Variants in HS6ST3 observed in about 807,000 individuals in gnomAD.
HS6ST3 encodes the protein heparan sulfate 6-O-sulfotransferase 3.
Under a neutral mutation model 36.7 loss-of-function variants are expected in HS6ST3, and 12 were observed. The observed-to-expected ratio is 0.33, with a 90% CI of 0.21 to 0.53. The LOEUF is 0.53. Ranked by LOEUF, HS6ST3 falls within the 20% of genes least tolerant of loss-of-function variation. The pLI is 0.95. For missense variants in HS6ST3, 584 were observed against 640.9 expected, an observed-to-expected ratio of 0.91 and a Z score of 0.96; for synonymous variants, 240 against 257.5, an observed-to-expected ratio of 0.93 and a Z score of 0.65.
chr13:96,180,192 A>C (rs1040347625), intron 1 of HS6ST3, among the ~76,000 whole-genome samples: 12 of 152,222 alleles, frequency 7.9e-5, no homozygotes, highest in African/African-American at 2.9e-4. Flanking sequence ...GGACATACAC[A>C]CGCACACACA....
chr13:96,756,410 T>C (rs1056197164), intron 1 of HS6ST3, among the ~76,000 whole-genome samples: 1 of 152,204 alleles, frequency 6.6e-6, no homozygotes, highest in Non-Finnish European at 1.5e-5. Flanking sequence ...CTCTTGAATA[T>C]GATCTAAGAA....
chr13:96,758,652 T>G (rs2138498146), intron 1 of HS6ST3, among the ~76,000 whole-genome samples: 1 of 152,090 alleles, frequency 6.6e-6, no homozygotes, highest in African/African-American at 2.4e-5. Flanking sequence ...CAGCAAAGTT[T>G]AATTTCCAGA....
Position 96,554,977 on chromosome 13 carries a change from G to T in HS6ST3, c.708-277513G>T, listed in dbSNP as rs1034201783. Among the ~76,000 whole-genome samples the T allele has an allele frequency of 6.1e-4, 93 of 152,026 alleles. 1 individual carries two copies. Among genetic ancestry groups the T allele is most frequent in the African/African-American group, 2.2e-3 (91 of 41,402 alleles). ...CACCTGTAGTTCCAGATACTTGGGA[G>T]GCTGAGGTGGGAGAATTGCTTGAGC... On this transcript the variant is annotated intron_variant, in intron 1 of 1. Transcript: ENST00000376705.
intron 1 of HS6ST3, among the ~76,000 whole-genome samples, chr13:96,746,308 A>C (rs185640580): frequency 6.6e-6 from 1 of 152,090 alleles, no homozygotes; most frequent in African/African-American, 2.4e-5. Flanking sequence ...ATATGGGAGA[A>C]TTGGATTAAA....
intron 1 of HS6ST3, among the ~76,000 whole-genome samples, chr13:96,207,617 G>A (rs9525153): frequency 0.39 from 59,249 of 151,896 alleles, 12,013 homozygotes; most frequent in Non-Finnish European, 0.46. Flanking sequence ...AGAAAATGTG[G>A]TACACATACA....
intron 1 of HS6ST3, among the ~76,000 whole-genome samples, chr13:96,510,681 A>AT (rs1179055759): frequency 2.0e-5 from 3 of 152,192 alleles, no homozygotes; most frequent in Non-Finnish European, 2.9e-5. Context: ...TCCTTAGTTC[A>AT]TGTGACGCAA....
chr13:96,599,178 T>A (rs1253595798), intron 1 of HS6ST3, among the ~76,000 whole-genome samples: 2 of 152,012 alleles, frequency 1.3e-5, no homozygotes, highest in African/African-American at 4.8e-5. Flanking sequence ...GGCATCACGG[T>A]GATACTAACT....
intron 1 of HS6ST3, among the ~76,000 whole-genome samples, chr13:96,434,373 A>T (rs181101464): frequency 1.2e-3 from 178 of 152,324 alleles, no homozygotes; most frequent in Non-Finnish European, 2.4e-3. Flanking sequence ...CTGTTCATCA[A>T]TGCTAATTAT....
At chr13:96,433,193 CT>C (rs1312085810) in intron 1 of HS6ST3, among the ~76,000 whole-genome samples, 1 of 152,128 alleles carries the variant, frequency 6.6e-6, no homozygotes, top group East Asian at 1.9e-4. Context: ...CAAGGTTGTT[CT>C]AGTCCCTCAG....
intron 1 of HS6ST3, among the ~76,000 whole-genome samples, chr13:96,798,162 A>G (rs1207252348): frequency 6.6e-6 from 1 of 152,058 alleles, no homozygotes; most frequent in Non-Finnish European, 1.5e-5. Flanking sequence ...GAAGAGATGC[A>G]AGGCATATGG....
At chr13:96,453,180 T>TAAAAAAAA in intron 1 of HS6ST3, among the ~76,000 whole-genome samples, 1 of 135,818 alleles carries the variant, frequency 7.4e-6, no homozygotes, top group Non-Finnish European at 1.6e-5. Flanking sequence ...ATGCTCTTTT[T>TAAAAAAAA]AAAAAAAAAA....
chr13:96,416,655 AAGTGTAT>A (rs2055534263), intron 1 of HS6ST3, among the ~76,000 whole-genome samples: 1 of 103,586 alleles, frequency 9.7e-6, no homozygotes, highest in South Asian at 4.1e-4. Context: ...TGTAAACTGT[AAGTGTAT>A]TTTTTTTTTT....
At chr13:96,203,810 G>A (rs2054355419) in intron 1 of HS6ST3, among the ~76,000 whole-genome samples, 1 of 152,118 alleles carries the variant, frequency 6.6e-6, no homozygotes, top group Non-Finnish European at 1.5e-5. Context: ...ATACAGAAAA[G>A]TAAGGAAATA....
At chr13:96,662,250 C>T (rs78371881) in intron 1 of HS6ST3, among the ~76,000 whole-genome samples, 1 of 152,264 alleles carries the variant, frequency 6.6e-6, no homozygotes, top group Non-Finnish European at 1.5e-5. Flanking sequence ...CTGGTTTCAT[C>T]ACTTTACATA....
At chr13:96,650,609 A>G (rs1235475352) in intron 1 of HS6ST3, among the ~76,000 whole-genome samples, 1 of 152,094 alleles carries the variant, frequency 6.6e-6, no homozygotes, top group Non-Finnish European at 1.5e-5. Flanking sequence ...CAAATTGAGG[A>G]AGTAGAACTT....
intron 1 of HS6ST3, among the ~76,000 whole-genome samples, chr13:96,667,852 GA>G (rs1025005456): frequency 1.7e-4 from 26 of 152,258 alleles, no homozygotes; most frequent in South Asian, 4.1e-4. Flanking sequence ...AAGGGGAGTG[GA>G]AAAAGCCACC....
intron 1 of HS6ST3, among the ~76,000 whole-genome samples, chr13:96,635,473 G>A (rs577892738): frequency 2.0e-5 from 3 of 152,154 alleles, no homozygotes; most frequent in African/African-American, 7.2e-5. Context: ...ACTTGATACC[G>A]ATTTCTTTTT....
intron 1 of HS6ST3, among the ~76,000 whole-genome samples, chr13:96,180,319 A>G (rs1054768926): frequency 3.9e-5 from 6 of 151,904 alleles, no homozygotes; most frequent in Non-Finnish European, 7.4e-5. Context: ...CTTCCTCCAT[A>G]TTAGCCAGTT....
At chr13:96,566,829 A>T (rs1424415648) in intron 1 of HS6ST3, among the ~76,000 whole-genome samples, 1 of 152,190 alleles carries the variant, frequency 6.6e-6, no homozygotes, top group Non-Finnish European at 1.5e-5. Flanking sequence ...TCAAAAGCTG[A>T]TCAGTTAAAA....
Sources: allele counts gnomAD v4.1 joint callset (sites outside exome capture counted in the v4.1 genomes callset), GRCh38; gene constraint gnomAD v4.1.1; transcripts MANE v1.5; gene names NCBI Gene and HGNC (gene_info 2026-07-23, HGNC 2026-07-21).